Variants in ZNF385B observed in about 807,000 individuals in gnomAD.
ZNF385B encodes zinc finger protein 385B.
Under a neutral mutation model 39.2 loss-of-function variants are expected in ZNF385B, and 23 were observed. The ratio of observed to expected loss-of-function variants is 0.59; its 90% CI spans 0.42 to 0.83. The LOEUF is 0.83. Ranked by LOEUF, ZNF385B falls within the 40% of genes least tolerant of loss-of-function variation. The pLI, the probability that ZNF385B is intolerant of heterozygous loss-of-function variation, is 0.00. For missense variants in ZNF385B, 552 were observed against 598.9 expected, an observed-to-expected ratio of 0.92 and a Z score of 0.82; for synonymous variants, 205 against 222.6, an observed-to-expected ratio of 0.92 and a Z score of 0.70.
intron 3 of ZNF385B, among the ~76,000 whole-genome samples, chr2:179,650,690 T>C (rs1280905664): frequency 6.6e-6 from 1 of 152,228 alleles, no homozygotes; most frequent in Non-Finnish European, 1.5e-5. Context: ...ACAGGATAGA[T>C]ATTTCATTGC....
At chr2:179,810,959 G>A (rs574380930) in intron 1 of ZNF385B, among the ~76,000 whole-genome samples, 11 of 152,030 alleles carry the variant, frequency 7.2e-5, no homozygotes, top group Admixed American at 2.6e-4. Flanking sequence ...CTTCAGTAAA[G>A]TTTCAGACAC....
Position 179,556,830 on chromosome 2 carries a change from C to A in ZNF385B, c.299-11861G>T, listed in dbSNP as rs187347525. 1.3e-3 allele frequency among the ~76,000 whole-genome samples: 194 copies of A among 149,146 alleles called. 21 individuals are homozygous for A. Among genetic ancestry groups the A allele is most frequent in the African/African-American group, 4.8e-3 (190 of 39,532 alleles). On this transcript the variant is annotated intron_variant, in intron 3 of 9. Transcript: ENST00000410066. The stretch of plus-strand genomic sequence containing the variant: ...GGTGAATAGGGGAGACTAACACAGA[C>A]TCTAGTGATGCCAAAAAGAAAAATG...
chr2:179,725,930 ATATG>A (rs71909115), intron 3 of ZNF385B, among the ~76,000 whole-genome samples: 5,597 of 140,736 alleles, frequency 0.04, 330 homozygotes, highest in African/African-American at 0.15. Context: ...ATATATATAT[ATATG>A]TGTATATACA....
chr2:179,626,274 C>T (rs1366530332), intron 3 of ZNF385B, among the ~76,000 whole-genome samples: 1 of 152,046 alleles, frequency 6.6e-6, no homozygotes, highest in East Asian at 1.9e-4. Flanking sequence ...TTTAAGAAAA[C>T]AGGAAGTTCA....
chr2:179,511,209 G>A (rs1333632531), intron 5 of ZNF385B, among the ~76,000 whole-genome samples: 1 of 152,154 alleles, frequency 6.6e-6, no homozygotes, highest in African/African-American at 2.4e-5. Flanking sequence ...TGTGGAAAGG[G>A]AGTTATGTGG....
chr2:179,513,328 T>C (rs1325001151), intron 5 of ZNF385B, among the ~76,000 whole-genome samples: 4 of 152,246 alleles, frequency 2.6e-5, no homozygotes, highest in Non-Finnish European at 5.9e-5. Flanking sequence ...ATTTGTGAAT[T>C]TGCCATCCAG....
At chr2:179,658,204 T>C (rs1694016392) in intron 3 of ZNF385B, among the ~76,000 whole-genome samples, 2 of 152,198 alleles carry the variant, frequency 1.3e-5, no homozygotes, top group African/African-American at 4.8e-5. Context: ...TGGTAAATGA[T>C]AAACAAAATG....
At chr2:179,562,408 T>C (rs1684019807) in intron 3 of ZNF385B, 8 of 985,330 alleles carry the variant, frequency 8.1e-6, no homozygotes, top group African/African-American at 3.5e-5. Flanking sequence ...CCTTTGTTTT[T>C]AAGGTTACAG....
At chr2:179,715,263 C>T (rs1017684848) in intron 3 of ZNF385B, among the ~76,000 whole-genome samples, 2 of 152,164 alleles carry the variant, frequency 1.3e-5, no homozygotes, top group Non-Finnish European at 2.9e-5. Flanking sequence ...GTCCCACCAC[C>T]ATAGGTGATG....
In ZNF385B at chr2:179,470,803, GTAA is replaced by G. The variant is rs760210684; in HGVS notation, c.715+12466_715+12468del. Among the ~76,000 whole-genome samples, 1,392 of 152,258 alleles carry G rather than the reference GTAA, an allele frequency of 9.1e-3. 28 individuals carry two copies. The highest frequency in any genetic ancestry group is 0.025 in the East Asian group (128 of 5,188). ...AATAAAATGTGGATCTAGGACCCCT[GTAA>G]GCCTGCTGTTCAAGCCAGCCCAGCA... On this transcript the variant is annotated intron_variant, in intron 6 of 9. Coordinates refer to ENST00000410066, the MANE Select transcript of ZNF385B (RefSeq NM_152520.6).
At chr2:179,735,257 T>A (rs1289853583) in intron 3 of ZNF385B, among the ~76,000 whole-genome samples, 1 of 149,814 alleles carries the variant, frequency 6.7e-6, no homozygotes, top group Non-Finnish European at 1.5e-5. Flanking sequence ...AAGACATTTA[T>A]GCAGCCAAAA....
At chr2:179,580,092 C>T (rs1460877095) in intron 3 of ZNF385B, among the ~76,000 whole-genome samples, 1 of 152,132 alleles carries the variant, frequency 6.6e-6, no homozygotes, top group Non-Finnish European at 1.5e-5. Flanking sequence ...ACATTCCAAA[C>T]TTCAATTTTC....
intron 3 of ZNF385B, among the ~76,000 whole-genome samples, chr2:179,556,549 T>C (rs1389683863): frequency 6.7e-6 from 1 of 149,722 alleles, no homozygotes; most frequent in Non-Finnish European, 1.5e-5. Flanking sequence ...AATTACTAAG[T>C]CTTTGGAGAA....
rs929138476 is a variant in ZNF385B at position 179,840,462 on chromosome 2, C to T, written c.-155+20639G>A. Among the ~76,000 whole-genome samples the T allele has an allele frequency of 4.6e-5, 7 of 152,028 alleles. 1 individual carries two copies. Among genetic ancestry groups the T allele is most frequent in the Admixed American group, 6.6e-5 (1 of 15,260 alleles). On this transcript the variant is annotated intron_variant, in intron 1 of 9. Coordinates refer to ENST00000410066, the MANE Select transcript of ZNF385B (RefSeq NM_152520.6). Reference sequence around the variant, plus strand: ...TTGTTTGGAAAGATTTTTTTGTTGACCTTGTGGAGCTGAAATTAGAAAAGG... The same window carrying T: ...TTGTTTGGAAAGATTTTTTTGTTGATCTTGTGGAGCTGAAATTAGAAAAGG...
chr2:179,806,970 G>A (rs1246795995), intron 1 of ZNF385B, among the ~76,000 whole-genome samples: 1 of 152,126 alleles, frequency 6.6e-6, no homozygotes, highest in East Asian at 1.9e-4. Context: ...CAATCCATAC[G>A]CTTCTAGAGG....
At chr2:179,778,899 G>T (rs1001042164) in intron 1 of ZNF385B, among the ~76,000 whole-genome samples, 1 of 152,048 alleles carries the variant, frequency 6.6e-6, no homozygotes, top group African/African-American at 2.4e-5. Context: ...TTTACTTCTG[G>T]TCTTTTTCAT....
intron 1 of ZNF385B, among the ~76,000 whole-genome samples, chr2:179,838,259 C>A (rs1708357777): frequency 6.6e-6 from 1 of 152,160 alleles, no homozygotes; most frequent in South Asian, 2.1e-4. Flanking sequence ...AAAGAAACCA[C>A]AGTCTGAGAA....
chr2:179,776,011 G>A (rs965929007), intron 1 of ZNF385B, among the ~76,000 whole-genome samples: 1 of 152,204 alleles, frequency 6.6e-6, no homozygotes, highest in African/African-American at 2.4e-5. Flanking sequence ...GAGACTGGAA[G>A]CTGCAAGAAC....
At chr2:179,628,538 T>C (rs899623651) in intron 3 of ZNF385B, among the ~76,000 whole-genome samples, 1 of 152,208 alleles carries the variant, frequency 6.6e-6, no homozygotes, top group African/African-American at 2.4e-5. Flanking sequence ...GTATATTTCA[T>C]GAGTGGGGTT....
Sources: gnomAD v4.1 joint callset for allele counts (sites outside exome capture counted in the v4.1 genomes callset) on GRCh38, gnomAD v4.1.1 for gene constraint, MANE v1.5 for transcripts, NCBI Gene and HGNC (gene_info 2026-07-23, HGNC 2026-07-21) for gene names.